FAM162A: variants seen among roughly 807,000 people sequenced by gnomAD.
FAM162A encodes the protein protein FAM162A.
In FAM162A, 23 loss-of-function variants were observed where a neutral mutation model predicts 21.8. The ratio of observed to expected loss-of-function variants is 1.05; its 90% CI spans 0.76 to 1.49. The LOEUF is 1.49. FAM162A is among the 40% of genes most tolerant of loss of function. The pLI, the probability that FAM162A is intolerant of heterozygous loss-of-function variation, is 0.00. For missense variants in FAM162A, 165 were observed against 186.4 expected (o/e 0.89, Z 0.67); for synonymous variants, 53 against 61.3 (o/e 0.86, Z 0.64).
intron 1 of FAM162A, chr3:122,401,445 C>A: frequency 1.7e-6 from 2 of 1,176,890 alleles, no homozygotes; most frequent in Non-Finnish European, 1.1e-6. Flanking sequence ...AGAGATCAGG[C>A]TTGACTTGAG....
intron 1 of FAM162A, among the ~76,000 whole-genome samples, chr3:122,394,054 T>C (rs2075616148): frequency 6.6e-6 from 1 of 152,134 alleles, no homozygotes; most frequent in Non-Finnish European, 1.5e-5. Flanking sequence ...CTTACAATCA[T>C]GGTGGAAGGC....
rs188096357 is a variant in FAM162A at position 122,400,364 on chromosome 3, C to T, written c.35-2396C>T. ...GGGAGCGGAACATCATGCACCAGGG[C>T]CTGTCAGGGGGTGGGGGTTTAGGGG... is the stretch of plus-strand genomic sequence containing the variant. On this transcript the variant is annotated intron_variant, in intron 1 of 4. Transcript: ENST00000477892. Among the ~76,000 whole-genome samples, 165 of 151,334 alleles carry T rather than the reference C, an allele frequency of 1.1e-3. 3 individuals are homozygous for T. The highest frequency in any genetic ancestry group is 1.0e-4 in the Non-Finnish European group (7 of 67,988).
chr3:122,404,594 C>G (rs966490974), intron 3 of FAM162A, among the ~76,000 whole-genome samples: 1 of 152,196 alleles, frequency 6.6e-6, no homozygotes, highest in African/African-American at 2.4e-5. Flanking sequence ...GTCAGGTACT[C>G]TGAAGTCAAT....
chr3:122,407,619 T>A, intron 4 of FAM162A: 1 of 506,290 alleles, frequency 2.0e-6, no homozygotes, highest in African/African-American at 1.9e-5. Context: ...ACTAGATTCA[T>A]TTTGTGTAAT....
At chr3:122,401,811 G>A (rs1306515265) in intron 1 of FAM162A, among the ~76,000 whole-genome samples, 2 of 152,092 alleles carry the variant, frequency 1.3e-5, no homozygotes, top group African/African-American at 4.8e-5. Context: ...CTTTTAATGG[G>A]CTGGTGTTTT....
intron 1 of FAM162A, among the ~76,000 whole-genome samples, chr3:122,396,869 A>G (rs1192309019): frequency 6.6e-6 from 1 of 152,228 alleles, no homozygotes; most frequent in Non-Finnish European, 1.5e-5. Flanking sequence ...CAGTCATAAA[A>G]GGCCACATGT....
chr3:122,409,282 A>G (rs1404115981), intron 4 of FAM162A, among the ~76,000 whole-genome samples: 2 of 152,164 alleles, frequency 1.3e-5, no homozygotes, highest in African/African-American at 4.8e-5. Context: ...GGGATTCCCA[A>G]AGCTGAATGT....
rs111565135 is a variant in FAM162A, at chr3:122,397,338, T to C, written c.35-5422T>C. ...CCCTTACTGCTCCAAACTCTGAGGCTGCAAGACACCCAAGTGGGAGTTTGG... is the reference window on the plus strand; with the variant it reads ...CCCTTACTGCTCCAAACTCTGAGGCCGCAAGACACCCAAGTGGGAGTTTGG... On this transcript the variant is annotated intron_variant, in intron 1 of 4. Transcript: ENST00000477892. 3.3e-4 allele frequency among the ~76,000 whole-genome samples: 50 copies of C among 152,286 alleles called. 1 individual carries two copies. Among genetic ancestry groups the C allele is most frequent in the African/African-American group, 1.2e-3 (50 of 41,564 alleles).
intron 1 of FAM162A, among the ~76,000 whole-genome samples, chr3:122,395,481 C>T (rs930313424): frequency 1.3e-5 from 2 of 151,952 alleles, no homozygotes; most frequent in Admixed American, 6.6e-5. Context: ...AAAAGAATAA[C>T]GAAGTTTAAA....
chr3:122,392,837 A>G (rs2075610062), intron 1 of FAM162A, among the ~76,000 whole-genome samples: 1 of 152,166 alleles, frequency 6.6e-6, no homozygotes, highest in Admixed American at 6.5e-5. Flanking sequence ...TCCTGACCAC[A>G]TTAGGGGTAA....
chr3:122,395,923 G>T (rs1324644768), intron 1 of FAM162A, among the ~76,000 whole-genome samples: 1 of 152,082 alleles, frequency 6.6e-6, no homozygotes, highest in Non-Finnish European at 1.5e-5. Flanking sequence ...TCTATATGGC[G>T]CTAAAACAAC....
In FAM162A at chr3:122,401,603, G is replaced by A. The variant is rs529257889; in HGVS notation, c.35-1157G>A. On this transcript the variant is annotated intron_variant, in intron 1 of 4. Transcript: ENST00000477892. ...GTGATTATAATTTCATCTGTGAAAT[G>A]TTGGAAGTATAGTCTGATTAAAATA... 33 of 1,115,570 alleles carry A rather than the reference G, an allele frequency of 3.0e-5. No individual in the cohort carries two copies. The South Asian group carries it at 3.9e-4, about 13-fold the overall frequency. The allele number at this position is 1,115,570 out of a possible 1,614,324, so 69.1% of individuals were successfully genotyped here. A position where few individuals can be genotyped will look rare whatever the true frequency, so the allele number is the denominator to read the frequency against.
At chr3:122,389,381 G>GGATA (rs61431402) in intron 1 of FAM162A, among the ~76,000 whole-genome samples, 8,870 of 145,242 alleles carry the variant, frequency 0.061, 263 homozygotes, top group East Asian at 0.079. Context: ...TAGTATAGAT[G>GGATA]GATAGATAGA....
intron 4 of FAM162A, chr3:122,407,754 C>T: frequency 3.4e-6 from 1 of 294,970 alleles, no homozygotes; most frequent in Non-Finnish European, 6.3e-6. Context: ...TATTTACCCT[C>T]ACCATAACTG....
At chr3:122,384,797 G>C (rs532391274) in intron 1 of FAM162A, among the ~76,000 whole-genome samples, 8 of 152,326 alleles carry the variant, frequency 5.3e-5, no homozygotes, top group South Asian at 2.1e-4. Flanking sequence ...TTAGGTCTTA[G>C]AGATTAATAA....
At chr3:122,395,532 AAAG>A (rs2075623134) in intron 1 of FAM162A, among the ~76,000 whole-genome samples, 1 of 152,220 alleles carries the variant, frequency 6.6e-6, no homozygotes, top group African/African-American at 2.4e-5. Context: ...GAAAGAAATT[AAAG>A]AAGACCCAAA....
chr3:122,408,828 A>G (rs141838660), intron 4 of FAM162A, among the ~76,000 whole-genome samples: 197 of 152,342 alleles, frequency 1.3e-3, no homozygotes, highest in African/African-American at 4.4e-3. Flanking sequence ...CCAGGGGTAT[A>G]TGCTGTGTAT....
intron 1 of FAM162A, among the ~76,000 whole-genome samples, chr3:122,393,354 CAAA>C (rs35078067): frequency 1.4e-5 from 2 of 147,272 alleles, no homozygotes; most frequent in Non-Finnish European, 3.0e-5. Context: ...AGCATTTATC[CAAA>C]AAAAAAAGCC....
rs1009201381 is a variant in FAM162A, at chr3:122,402,873, G to C, written c.148G>C (p.Ala50Pro). 1.3e-6 allele frequency: 2 copies of C among 1,591,366 alleles called. No individual in the cohort carries two copies. Among genetic ancestry groups the C allele is most frequent in the Non-Finnish European group, 1.7e-6 (2 of 1,173,330 alleles). Residue 50 changes from alanine (A) to proline (P), a missense_variant, in exon 2 of 5, where the codon GCT (alanine) becomes CCT (proline). By Grantham distance (27) the Ala-to-Pro change is conservative. Coordinates refer to ENST00000477892, the MANE Select transcript of FAM162A (RefSeq NM_014367.4). ...FCTKPQESPG[A>P]PSRTYNRVPL... is the part of the protein sequence containing the mutation. ...CACAAAACCACAGGAAAGTCCCGGA[G>C]CTCCATCCCGTAAGTTTTTATTTTT... is the stretch of plus-strand genomic sequence containing the variant.
Sources: allele counts gnomAD v4.1 joint callset (sites outside exome capture counted in the v4.1 genomes callset), GRCh38; gene constraint gnomAD v4.1.1; transcripts MANE v1.5; gene names NCBI Gene and HGNC (gene_info 2026-07-23, HGNC 2026-07-21).